RBMS1: variants seen among roughly 807,000 people sequenced by gnomAD.
RBMS1 encodes RNA binding motif single stranded interacting protein 1, also known as RNA-binding motif, single-stranded-interacting protein 1.
Under a neutral mutation model 62.3 loss-of-function variants are expected in RBMS1, and 17 were observed. The ratio of observed to expected loss-of-function variants is 0.27; its 90% CI spans 0.19 to 0.41. RBMS1 has a LOEUF of 0.41. Among genes scored for constraint, RBMS1 ranks in the 10% least tolerant of loss-of-function variants. The pLI is 1.00. For synonymous variants in RBMS1, 172 were observed against 170.0 expected (o/e 1.01, Z -0.09); for missense variants, 334 against 504.5 (o/e 0.66, Z 3.24).
intron 2 of RBMS1, among the ~76,000 whole-genome samples, chr2:160,334,741 A>T (rs1380753174): frequency 6.6e-6 from 1 of 152,138 alleles, no homozygotes; most frequent in African/African-American, 2.4e-5. Flanking sequence ...CTTTAGGGAG[A>T]TGAAACAGAA....
intron 1 of RBMS1, chr2:160,432,398 T>A (rs561954470): frequency 9.2e-5 from 14 of 152,190 alleles, no homozygotes; most frequent in Non-Finnish European, 1.9e-4. Flanking sequence ...ACAGCAATGT[T>A]CACAGTGTTT....
At chr2:160,485,934 A>C (rs1354566579) in intron 1 of RBMS1, among the ~76,000 whole-genome samples, 2 of 152,112 alleles carry the variant, frequency 1.3e-5, no homozygotes, top group Non-Finnish European at 2.9e-5. Flanking sequence ...TCTTTTTATA[A>C]ATGTCTGCAT....
At chr2:160,329,988 A>G (rs1244697690) in intron 2 of RBMS1, among the ~76,000 whole-genome samples, 1 of 152,156 alleles carries the variant, frequency 6.6e-6, no homozygotes, top group East Asian at 1.9e-4. Context: ...GGTCAGAGAC[A>G]CTTATGAAAA....
chr2:160,414,388 T>C (rs1227152635), intron 1 of RBMS1, among the ~76,000 whole-genome samples: 2 of 152,148 alleles, frequency 1.3e-5, no homozygotes, highest in Admixed American at 6.5e-5. Context: ...TATTGTAGGA[T>C]GGCTGAGATG....
intron 1 of RBMS1, among the ~76,000 whole-genome samples, chr2:160,381,431 A>C (rs1694278408): frequency 6.6e-6 from 1 of 152,248 alleles, no homozygotes; most frequent in Non-Finnish European, 1.5e-5. Flanking sequence ...CCAGAGAACT[A>C]AGTGTTACGC....
chr2:160,461,255 A>AAGAG (rs764820779), intron 1 of RBMS1, among the ~76,000 whole-genome samples: 3 of 150,664 alleles, frequency 2.0e-5, no homozygotes, highest in South Asian at 2.1e-4. Flanking sequence ...TCTCGAAAGA[A>AAGAG]AGAGAGAGAG....
intron 1 of RBMS1, among the ~76,000 whole-genome samples, chr2:160,372,342 C>CCCA (rs1333309809): frequency 1.3e-5 from 2 of 152,012 alleles, no homozygotes; most frequent in Admixed American, 6.6e-5. Context: ...TGCCCCTACA[C>CCCA]CCACCACCAC....
rs1381847799 is a variant in RBMS1, at chr2:160,273,133, G to C, written c.*1639C>G. The stretch of plus-strand genomic sequence containing the variant: ...TTAATAAAAGAGCTTTAATAACAGT[G>C]AATTATCTTATATGTACTAAAGTAG... On this transcript the variant is annotated 3_prime_UTR_variant, in exon 14 of 14. Transcript: ENST00000348849. 1 of 152,190 alleles carries C rather than the reference G, an allele frequency of 6.6e-6. No individual in the cohort carries two copies. The highest frequency in any genetic ancestry group is 1.5e-5 in the Non-Finnish European group (1 of 68,036). 9.4% of individuals were successfully genotyped at this position (152,190 alleles called of 1,614,324 possible). A position where few individuals can be genotyped will look rare whatever the true frequency, so the allele number is the denominator to read the frequency against.
chr2:160,463,145 G>C (rs1251213741), intron 1 of RBMS1, among the ~76,000 whole-genome samples: 2 of 152,074 alleles, frequency 1.3e-5, no homozygotes, highest in East Asian at 3.8e-4. Context: ...TTACCCTTCT[G>C]ACAAAACCAG....
intron 1 of RBMS1, among the ~76,000 whole-genome samples, chr2:160,411,102 C>G (rs565002975): frequency 6.6e-6 from 1 of 152,160 alleles, no homozygotes; most frequent in East Asian, 1.9e-4. Context: ...ATGTCTTCCT[C>G]CCTCACCTCA....
Position 160,275,610 on chromosome 2 carries a change from T to C in RBMS1, c.*7+20A>G, listed in dbSNP as rs77663305. On this transcript the variant is annotated intron_variant, in intron 13 of 13. Transcript: ENST00000348849. Reference sequence around the variant, plus strand: ...GTGCTTGATTTGAGCCCCCCAGTTATGAAGACCTTTCCCTCATACCTCACA... The same window carrying C: ...GTGCTTGATTTGAGCCCCCCAGTTACGAAGACCTTTCCCTCATACCTCACA... 140 of 1,611,378 alleles carry C rather than the reference T, an allele frequency of 8.7e-5. No homozygotes were observed. In the East Asian group the frequency reaches 3.1e-3, roughly 35 times the overall value.
intron 1 of RBMS1, among the ~76,000 whole-genome samples, chr2:160,458,110 C>T (rs1000872037): frequency 5.9e-5 from 9 of 151,974 alleles, no homozygotes; most frequent in African/African-American, 2.2e-4. Context: ...TCCACAGGTC[C>T]TTGCCAGCAC....
intron 1 of RBMS1, among the ~76,000 whole-genome samples, chr2:160,377,269 G>C (rs758062935): frequency 6.6e-6 from 1 of 152,050 alleles, no homozygotes; most frequent in Non-Finnish European, 1.5e-5. Context: ...AGTATATTTC[G>C]TTAAAAGAAA....
chr2:160,393,520 G>A (rs1694969918), intron 1 of RBMS1, among the ~76,000 whole-genome samples: 1 of 152,176 alleles, frequency 6.6e-6, no homozygotes, highest in East Asian at 1.9e-4. Context: ...GCTCACACCT[G>A]TAATCCTAGC....
At chr2:160,346,956 A>C (rs1294962823) in intron 2 of RBMS1, among the ~76,000 whole-genome samples, 1 of 152,162 alleles carries the variant, frequency 6.6e-6, no homozygotes, top group South Asian at 2.1e-4. Flanking sequence ...ATGATTATGA[A>C]AGAAACTTCA....
intron 1 of RBMS1, among the ~76,000 whole-genome samples, chr2:160,392,441 T>C (rs543834643): frequency 6.6e-6 from 1 of 151,536 alleles, no homozygotes; most frequent in South Asian, 2.1e-4. Context: ...GCTTAAAATA[T>C]TTACTATCTG....
intron 2 of RBMS1, among the ~76,000 whole-genome samples, chr2:160,335,249 G>C (rs1691504045): frequency 6.6e-6 from 1 of 152,108 alleles, no homozygotes; most frequent in African/African-American, 2.4e-5. Context: ...AATGAACCAA[G>C]TGAAAAAATG....
At chr2:160,407,912 G>A in intron 1 of RBMS1, 1 of 980,594 alleles carries the variant, frequency 1.0e-6, no homozygotes, top group Non-Finnish European at 1.2e-6. Flanking sequence ...CTGAGAGCGC[G>A]CCGGCCGGGG....
intron 1 of RBMS1, among the ~76,000 whole-genome samples, chr2:160,389,785 T>C (rs1403473585): frequency 6.8e-6 from 1 of 146,566 alleles, no homozygotes. Flanking sequence ...CCTTTTATAA[T>C]GAAAATTACT....
Sources: allele counts gnomAD v4.1 joint callset (sites outside exome capture counted in the v4.1 genomes callset), GRCh38; gene constraint gnomAD v4.1.1; transcripts MANE v1.5; gene names NCBI Gene and HGNC (gene_info 2026-07-23, HGNC 2026-07-21).